Variants in BST1 observed in about 807,000 individuals in gnomAD.
The protein encoded by BST1 is ADP-ribosyl cyclase/cyclic ADP-ribose hydrolase 2.
BST1 carries 49 observed loss-of-function variants against 40.6 expected under a neutral mutation model. The ratio of observed to expected loss-of-function variants is 1.21; its 90% CI spans 0.96 to 1.53. BST1 has a LOEUF of 1.53. Ranked by LOEUF, BST1 falls within the 40% of genes most tolerant of loss-of-function variation. The probability of loss-of-function intolerance (pLI) is 0.00; values close to 1 mark genes in which losing one functional copy is unlikely to be tolerated. For synonymous variants in BST1, 157 were observed against 159.3 expected, an observed-to-expected ratio of 0.99 and a Z score of 0.11; for missense variants, 423 against 395.9, an observed-to-expected ratio of 1.07 and a Z score of -0.58.
At chr4:15,726,109 T>C (rs2148893147) in intron 8 of BST1, among the ~76,000 whole-genome samples, 1 of 150,952 alleles carries the variant, frequency 6.6e-6, no homozygotes, top group African/African-American at 2.4e-5. Context: ...ATACAGGCAC[T>C]TACCACTACG....
chr4:15,737,392 A>G (rs1254700402), downstream of BST1, among the ~76,000 whole-genome samples: 2 of 152,184 alleles, frequency 1.3e-5, no homozygotes, highest in South Asian at 2.1e-4. Flanking sequence ...ATGAGAAAAC[A>G]TAGACATAGA....
chr4:15,764,886 G>GT, the BST1 span, among the ~76,000 whole-genome samples: 1 of 118,280 alleles, frequency 8.5e-6, no homozygotes, highest in Non-Finnish European at 1.8e-5. Context: ...GTGTGTGTGT[G>GT]TGTGTGTGTG....
In BST1 at chr4:15,715,797, T is replaced by A. The variant is rs768681678; in HGVS notation, c.702T>A (p.Asn234Lys). 1.3e-6 allele frequency: 2 copies of A among 1,576,998 alleles called. No individual in the cohort carries two copies. The highest frequency in any genetic ancestry group is 1.7e-6 in the Non-Finnish European group (2 of 1,162,396). Reference sequence around the variant, plus strand: ...TTATGCATGAAATTGGGGGACCCAATGTGTAAGTTATGGTGATATTGATGA... The same window carrying A: ...TTATGCATGAAATTGGGGGACCCAAAGTGTAAGTTATGGTGATATTGATGA... ...IWVMHEIGGP[N>K]VESCGEGSMK... is the part of the protein sequence containing the mutation. The change falls in exon 6 of 9, where the codon AAT (asparagine) becomes AAA (lysine). Residue 234 changes from asparagine to lysine, a missense_variant and splice_region_variant. By Grantham distance (94) the Asn-to-Lys change is moderately conservative. Coordinates refer to ENST00000265016, the MANE Select transcript of BST1 (RefSeq NM_004334.3).
the BST1 span, among the ~76,000 whole-genome samples, chr4:15,763,451 C>A: frequency 3.3e-5 from 5 of 151,460 alleles, no homozygotes; most frequent in Admixed American, 2.6e-4. Context: ...TTTCTTTGTA[C>A]GCTTCTTATT....
chr4:15,731,461 TA>T (rs1178870587), intron 8 of BST1: 7 of 834,902 alleles, frequency 8.4e-6, no homozygotes, highest in Non-Finnish European at 1.4e-5. Context: ...GGAGTGGACT[TA>T]AGCCTGACGG....
chr4:15,715,714 GCAGATTATGAAATT>G lies in BST1; in HGVS notation c.621_634del (p.Asp208LysfsTer17). On this transcript the variant is annotated frameshift_variant, in exon 6 of 9. Coordinates refer to ENST00000265016, the MANE Select transcript of BST1 (RefSeq NM_004334.3). LOFTEE classifies it high-confidence loss of function. The stretch of plus-strand genomic sequence containing the variant: ...TCAAGAAATGTTTCTCAGTTTTTTT[GCAGATTATGAAATT>G]CCAAACCTCCAGAAGGAAAAAATTA... 6.3e-7 allele frequency: 1 copy of G among 1,588,130 alleles called. No homozygotes were observed. Among genetic ancestry groups the G allele is most frequent in the East Asian group, 2.3e-5 (1 of 44,222 alleles).
At chr4:15,729,606 A>C (rs560219507) in intron 8 of BST1, among the ~76,000 whole-genome samples, 2 of 152,232 alleles carry the variant, frequency 1.3e-5, no homozygotes, top group Non-Finnish European at 2.9e-5. Flanking sequence ...AATTAAATAA[A>C]AGGGCATGGG....
At chr4:15,728,642 C>A (rs1721235802) in intron 8 of BST1, among the ~76,000 whole-genome samples, 1 of 140,038 alleles carries the variant, frequency 7.1e-6, no homozygotes, top group African/African-American at 2.7e-5. Flanking sequence ...TTCCTTCCTT[C>A]CTTTTTTTTT....
the BST1 span, among the ~76,000 whole-genome samples, chr4:15,745,550 G>A: frequency 5.3e-5 from 8 of 152,126 alleles, no homozygotes; most frequent in Non-Finnish European, 8.8e-5. Context: ...TCCAGGCTCT[G>A]GACTGTCTGC....
chr4:15,739,605 T>G (rs1721689361), downstream of BST1, among the ~76,000 whole-genome samples: 2 of 142,850 alleles, frequency 1.4e-5, no homozygotes, highest in African/African-American at 5.0e-5. Context: ...ATTTCTCCCC[T>G]GCACAAAAGT....
chr4:15,758,508 A>G, the BST1 span, among the ~76,000 whole-genome samples: 1 of 147,048 alleles, frequency 6.8e-6, no homozygotes, highest in Non-Finnish European at 1.5e-5. Context: ...AATACTATGC[A>G]GCCATAAAAA....
At chr4:15,715,407 T>G in intron 5 of BST1, 46 bp downstream of exon 5, 2 of 1,570,400 alleles carry the variant, frequency 1.3e-6, no homozygotes, top group Non-Finnish European at 1.8e-6. Context: ...TGCCAAAATA[T>G]TTATTTAATT....
chr4:15,743,583 C>G, the BST1 span: 1 of 339,228 alleles, frequency 2.9e-6, no homozygotes, highest in South Asian at 2.6e-5. Flanking sequence ...AAGGGCCCAG[C>G]TGGGAGCCTC....
At chr4:15,710,893 G>A (rs559837197) in intron 3 of BST1, among the ~76,000 whole-genome samples, 7 of 152,006 alleles carry the variant, frequency 4.6e-5, no homozygotes, top group Admixed American at 1.3e-4. Flanking sequence ...AGGTTCAAGC[G>A]ATTCTCCTGC....
chr4:15,749,552 A>G, the BST1 span, among the ~76,000 whole-genome samples: 1 of 152,354 alleles, frequency 6.6e-6, no homozygotes, highest in East Asian at 1.9e-4. Flanking sequence ...ATGTTTTCAA[A>G]GCAAAGAATA....
rs758989090 is a variant in BST1, at chr4:15,703,270, C to T, written c.126C>T (p.His42=). The change falls in exon 1 of 9, where the codon CAC becomes CAT. Residue 42 remains histidine, a synonymous_variant. Coordinates refer to ENST00000265016, the MANE Select transcript of BST1 (RefSeq NM_004334.3). ...GGCGCGGGGAGGGCACCAGCGCACA[C>T]TTGCGGGACATCTTCCTGGGCCGCT... ...ARWRGEGTSA[H]LRDIFLGRCA... 6.5e-7 allele frequency: 1 copy of T among 1,538,772 alleles called. No homozygotes were observed. Among genetic ancestry groups the T allele is most frequent in the South Asian group, 1.2e-5 (1 of 84,170 alleles).
At chr4:15,752,929 A>G in the BST1 span, among the ~76,000 whole-genome samples, 1 of 152,204 alleles carries the variant, frequency 6.6e-6, no homozygotes, top group Non-Finnish European at 1.5e-5. Flanking sequence ...CATATAAATC[A>G]CTAAGAAGAT....
chr4:15,706,845 C>T (rs1386288301), intron 2 of BST1, among the ~76,000 whole-genome samples: 2 of 152,144 alleles, frequency 1.3e-5, no homozygotes, highest in African/African-American at 2.4e-5. Context: ...ATTTGTTTGC[C>T]AGTCATTGGT....
chr4:15,768,203 G>A, the BST1 span, among the ~76,000 whole-genome samples: 3 of 152,174 alleles, frequency 2.0e-5, no homozygotes, highest in Admixed American at 1.3e-4. Context: ...CAGCGGTTCC[G>A]ATTCTAGACT....
Sources: gnomAD v4.1 joint callset for allele counts (sites outside exome capture counted in the v4.1 genomes callset) on GRCh38, gnomAD v4.1.1 for gene constraint, MANE v1.5 for transcripts, NCBI Gene and HGNC (gene_info 2026-07-23, HGNC 2026-07-21) for gene names.